CBLN2: variants seen among roughly 807,000 people sequenced by gnomAD.
The protein encoded by CBLN2 is cerebellin 2 precursor.
A neutral mutation model predicts 15.0 loss-of-function variants in CBLN2; 7 were observed. That is an observed-to-expected ratio of 0.47 (90% CI 0.27 to 0.88). The LOEUF (loss-of-function observed/expected upper bound fraction) is 0.88, where lower values mean the gene tolerates loss of function less well. Ranked by LOEUF, CBLN2 falls within the 40% of genes least tolerant of loss-of-function variation. The pLI is 0.14. For synonymous variants in CBLN2, 149 were observed against 135.2 expected, an observed-to-expected ratio of 1.10 and a Z score of -0.71; for missense variants, 242 against 304.5, an observed-to-expected ratio of 0.79 and a Z score of 1.53.
At chr18:72,631,246 G>A (rs73463427) in intron 1 of CBLN2, among the ~76,000 whole-genome samples, 24 of 152,170 alleles carry the variant, frequency 1.6e-4, no homozygotes, top group African/African-American at 5.5e-4. Context: ...CAACTCAGGT[G>A]CTATTTATGG....
At chr18:72,606,850 G>A (rs1281224794) in intron 1 of CBLN2, among the ~76,000 whole-genome samples, 1 of 152,210 alleles carries the variant, frequency 6.6e-6, no homozygotes, top group Non-Finnish European at 1.5e-5. Flanking sequence ...TCAAGAGTGG[G>A]GAGGAAGAAA....
intron 2 of CBLN2, 95 bp from the exon 3 acceptor site, chr18:72,542,421 C>G (rs1016941449): frequency 4.6e-6 from 1 of 218,166 alleles, no homozygotes; most frequent in Non-Finnish European, 8.8e-6. Flanking sequence ...CGGGGGTTCT[C>G]CCCGAAGGCC....
intron 1 of CBLN2, among the ~76,000 whole-genome samples, chr18:72,549,503 T>C (rs2069178812): frequency 6.6e-6 from 1 of 152,144 alleles, no homozygotes; most frequent in Non-Finnish European, 1.5e-5. Context: ...CAGAAAATGG[T>C]CTAGTGATCA....
At chr18:72,622,892 A>T (rs1047629732) in intron 1 of CBLN2, among the ~76,000 whole-genome samples, 1 of 152,162 alleles carries the variant, frequency 6.6e-6, no homozygotes, top group African/African-American at 2.4e-5. Context: ...TAACTTATGG[A>T]TATGTACACT....
chr18:72,554,955 G>A (rs1205537394), intron 1 of CBLN2, among the ~76,000 whole-genome samples: 1 of 152,058 alleles, frequency 6.6e-6, no homozygotes, highest in South Asian at 2.1e-4. Context: ...AGCCAACATG[G>A]TGAAAACCCG....
intron 1 of CBLN2, among the ~76,000 whole-genome samples, chr18:72,584,764 C>A (rs1374582660): frequency 2.6e-5 from 4 of 152,138 alleles, no homozygotes; most frequent in Admixed American, 6.5e-5. Context: ...AATATATAAA[C>A]CTTAAAGTGT....
chr18:72,573,361 A>G (rs2069344083), intron 1 of CBLN2, among the ~76,000 whole-genome samples: 1 of 152,222 alleles, frequency 6.6e-6, no homozygotes, highest in African/African-American at 2.4e-5. Flanking sequence ...GAATTATTAA[A>G]TAAAACAGTA....
At chr18:72,574,069 C>T (rs1000921780) in intron 1 of CBLN2, among the ~76,000 whole-genome samples, 10 of 152,042 alleles carry the variant, frequency 6.6e-5, no homozygotes, top group Admixed American at 5.2e-4. Flanking sequence ...CCCTATTCAC[C>T]GTTGGTATAT....
In CBLN2 at chr18:72,586,818, C is replaced by T. The variant is rs570761413; in HGVS notation, c.16-48046G>A. On this transcript the variant is annotated intron_variant, in intron 1 of 2. Transcript: ENST00000581073. The stretch of plus-strand genomic sequence containing the variant: ...TCCAACACAAAATAAGTGAAATAGG[C>T]CTTTTGGGGTGTTATTTCTGAGATT... Among the ~76,000 whole-genome samples the T allele has an allele frequency of 7.4e-4, 113 of 152,010 alleles. No homozygotes were observed. In the Middle Eastern group the frequency reaches 0.027, roughly 37 times the overall value.
chr18:72,595,110 G>T (rs1409697716), intron 1 of CBLN2, among the ~76,000 whole-genome samples: 1 of 150,956 alleles, frequency 6.6e-6, no homozygotes, highest in Non-Finnish European at 1.5e-5. Context: ...AATTCTTTAA[G>T]ATGCATAATT....
intron 1 of CBLN2, among the ~76,000 whole-genome samples, chr18:72,633,659 A>G (rs1483107520): frequency 1.3e-5 from 2 of 152,198 alleles, no homozygotes; most frequent in Non-Finnish European, 2.9e-5. Context: ...AAAGATAACA[A>G]TCTTAAATAT....
At chr18:72,567,860 G>T (rs1026909335) in intron 1 of CBLN2, among the ~76,000 whole-genome samples, 2 of 152,142 alleles carry the variant, frequency 1.3e-5, no homozygotes, top group African/African-American at 4.8e-5. Flanking sequence ...GAAAGCAGTT[G>T]CAAGTATACA....
chr18:72,592,501 A>T (rs915770145), intron 1 of CBLN2, among the ~76,000 whole-genome samples: 7 of 151,804 alleles, frequency 4.6e-5, no homozygotes, highest in African/African-American at 1.7e-4. Flanking sequence ...ATTTGATGTG[A>T]TCTCATTTGT....
upstream of CBLN2, among the ~76,000 whole-genome samples, chr18:72,548,782 C>G (rs780804249): frequency 1.2e-4 from 18 of 152,148 alleles, no homozygotes; most frequent in South Asian, 1.4e-3. Flanking sequence ...CATGGGCATC[C>G]TCTGCATACT....
At chr18:72,594,562 G>T (rs1186150907) in intron 1 of CBLN2, among the ~76,000 whole-genome samples, 1 of 151,676 alleles carries the variant, frequency 6.6e-6, no homozygotes, top group African/African-American at 2.4e-5. Context: ...AGTAGGATTG[G>T]TATTATTTAT....
At chr18:72,574,572 G>T (rs1196013810) in intron 1 of CBLN2, among the ~76,000 whole-genome samples, 1 of 152,182 alleles carries the variant, frequency 6.6e-6, no homozygotes, top group Non-Finnish European at 1.5e-5. Context: ...AGATGGAGGG[G>T]ATTGTCTCAG....
At chr18:72,575,956 C>T (rs2069363914) in intron 1 of CBLN2, among the ~76,000 whole-genome samples, 2 of 152,096 alleles carry the variant, frequency 1.3e-5, no homozygotes, top group Admixed American at 6.5e-5. Flanking sequence ...ACCCTTTAGC[C>T]CTTATCACCC....
intron 1 of CBLN2, among the ~76,000 whole-genome samples, chr18:72,630,564 CAG>C (rs368831135): frequency 4.8e-3 from 641 of 134,504 alleles, no homozygotes; most frequent in Non-Finnish European, 5.3e-3. Flanking sequence ...CACACACATG[CAG>C]AGAGAGAGAG....
chr18:72,556,866 A>T (rs2069230055), intron 1 of CBLN2, among the ~76,000 whole-genome samples: 1 of 152,290 alleles, frequency 6.6e-6, no homozygotes, highest in South Asian at 2.1e-4. Flanking sequence ...AGGAAAAAAA[A>T]ACTCTTAAAA....
Sources: gnomAD v4.1 joint callset for allele counts (sites outside exome capture counted in the v4.1 genomes callset) on GRCh38, gnomAD v4.1.1 for gene constraint, MANE v1.5 for transcripts, NCBI Gene and HGNC (gene_info 2026-07-23, HGNC 2026-07-21) for gene names.